Variants in GAPVD1 observed in about 807,000 individuals in gnomAD.
GAPVD1 encodes the protein GTPase activating protein and VPS9 domains 1.
A neutral mutation model predicts 155.5 loss-of-function variants in GAPVD1; 35 were observed. The observed-to-expected ratio is 0.23, with a 90% CI of 0.17 to 0.30. The LOEUF is 0.30. Among genes scored for constraint, GAPVD1 ranks in the 10% least tolerant of loss-of-function variants. The probability of loss-of-function intolerance (pLI) is 1.00; values close to 1 mark genes in which losing one functional copy is unlikely to be tolerated. For missense variants in GAPVD1, 1,429 were observed against 1,775.7 expected, an observed-to-expected ratio of 0.80 and a Z score of 3.51; for synonymous variants, 636 against 619.7, an observed-to-expected ratio of 1.03 and a Z score of -0.39.
chr9:125,329,814 T>C (rs537466525), intron 12 of GAPVD1, among the ~76,000 whole-genome samples: 1 of 152,090 alleles, frequency 6.6e-6, no homozygotes, highest in African/African-American at 2.4e-5. Flanking sequence ...CCCAAGTAGC[T>C]GAGACTACCG....
chr9:125,363,063 C>T lies in GAPVD1; in HGVS notation c.*317C>T, dbSNP rs918930334. ...AAAAATCTCTTAGGAAATGTCTAGA[C>T]CTCCATTCTTGGATTCCCTTTCTTT... On this transcript the variant is annotated 3_prime_UTR_variant, in exon 28 of 28. Transcript: ENST00000297933. 4.9e-5 allele frequency: 8 copies of T among 162,352 alleles called. No homozygotes were observed. Among genetic ancestry groups the T allele is most frequent in the Non-Finnish European group, 6.7e-5 (5 of 74,582 alleles). The allele number at this position is 162,352 out of a possible 1,614,324, so 10.1% of individuals were successfully genotyped here.
chr9:125,353,512 AC>A (rs1849600394), intron 23 of GAPVD1, among the ~76,000 whole-genome samples: 1 of 151,918 alleles, frequency 6.6e-6, no homozygotes, highest in African/African-American at 2.4e-5. Context: ...TTTTAGCAGT[AC>A]CCCACTCTCG....
intron 6 of GAPVD1, among the ~76,000 whole-genome samples, chr9:125,306,069 A>G (rs145468804): frequency 1.4e-4 from 21 of 152,354 alleles, no homozygotes; most frequent in Non-Finnish European, 2.2e-4. Flanking sequence ...CATTCAACCA[A>G]TGAAAATTCA....
Position 125,337,338 on chromosome 9 carries a change from G to T in GAPVD1, c.2624G>T (p.Gly875Val). 1 of 1,614,142 alleles carries T rather than the reference G, an allele frequency of 6.2e-7. No homozygotes were observed. Among genetic ancestry groups the T allele is most frequent in the African/African-American group, 1.3e-5 (1 of 75,020 alleles). ...GGNEARLPNF[G>V]SHVLTPAEME... The stretch of plus-strand genomic sequence containing the variant: ...AATGAGGCCAGGTTGCCAAACTTTG[G>T]TTCCCATGTTTTAACTCCAGCTGAA... Residue 875 changes from glycine to valine, a missense_variant, in exon 17 of 28, where the codon GGT becomes GTT. Gly to Val is a moderately radical substitution (Grantham distance 109). Coordinates refer to ENST00000297933, the MANE Select transcript of GAPVD1 (RefSeq NM_001282680.3).
chr9:125,290,605 A>G (rs1403802532), intron 2 of GAPVD1, among the ~76,000 whole-genome samples: 1 of 152,216 alleles, frequency 6.6e-6, no homozygotes, highest in Admixed American at 6.5e-5. Context: ...AGAGGAAATG[A>G]TATGAATTAG....
chr9:125,330,177 C>G lies in GAPVD1; in HGVS notation c.2132C>G (p.Thr711Arg). Residue 711 changes from threonine (T) to arginine (R), a missense_variant, in exon 13 of 28, where the codon ACA becomes AGA. By Grantham distance (71) the Thr-to-Arg change is moderately conservative (BLOSUM62 -1). Transcript: ENST00000297933. Reference protein sequence around the residue: ...PCTGSTISETTSEAWSVEVLP... With the variant: ...PCTGSTISETRSEAWSVEVLP... The stretch of plus-strand genomic sequence containing the variant: ...ACTGGTTCTACCATATCAGAGACAA[C>G]AAGTGAAGCTTGGAGTGTAGAGGTA... 1 of 1,612,498 alleles carries G rather than the reference C, an allele frequency of 6.2e-7. No individual in the cohort carries two copies. Among genetic ancestry groups the G allele is most frequent in the Non-Finnish European group, 8.5e-7 (1 of 1,178,826 alleles).
chr9:125,335,816 C>G (rs1022532788), intron 15 of GAPVD1, among the ~76,000 whole-genome samples: 1 of 151,828 alleles, frequency 6.6e-6, no homozygotes, highest in Admixed American at 6.6e-5. Flanking sequence ...TAGATATAAC[C>G]ACCATAAACA....
At chr9:125,342,363 T>C in intron 19 of GAPVD1, 64 bp downstream of exon 19, 1 of 913,468 alleles carries the variant, frequency 1.1e-6, no homozygotes, top group Admixed American at 1.8e-5. Context: ...TAACACTTTT[T>C]CTTGGGTGCC....
At chr9:125,283,098 C>T (rs368949143) in intron 2 of GAPVD1, among the ~76,000 whole-genome samples, 112 of 150,856 alleles carry the variant, frequency 7.4e-4, no homozygotes, top group African/African-American at 2.7e-3. Flanking sequence ...TTTGCTCTGT[C>T]GCCCAGGCTG....
intron 27 of GAPVD1, among the ~76,000 whole-genome samples, chr9:125,362,323 G>GAGATT (rs1851058282): frequency 6.6e-6 from 1 of 152,136 alleles, no homozygotes; most frequent in Non-Finnish European, 1.5e-5. Context: ...TAAGACCACA[G>GAGATT]AGATTAGTTC....
At chr9:125,333,079 T>C (rs1250577139) in intron 15 of GAPVD1, among the ~76,000 whole-genome samples, 1 of 151,940 alleles carries the variant, frequency 6.6e-6, no homozygotes. Flanking sequence ...ATAAAACTTC[T>C]GTTTTTTTTT....
At position 125,355,800 on chromosome 9, in the gene GAPVD1, A is replaced by T; in HGVS notation, c.3914A>T (p.Asn1305Ile). 1 of 1,613,524 alleles carries T rather than the reference A, an allele frequency of 6.2e-7. No individual in the cohort carries two copies. Among genetic ancestry groups the T allele is most frequent in the East Asian group, 2.2e-5 (1 of 44,866 alleles). ...AQLAIERSVMNRIFKLAFYPN... is the reference protein window; with the variant it reads ...AQLAIERSVMIRIFKLAFYPN... ...CTGGCCATTGAGCGAAGCGTGATGA[A>T]CCGGATTTTCAAGCTCGCCTTCTAC... The change falls in exon 25 of 28, where the codon AAC becomes ATC. Residue 1305 changes from asparagine (N) to isoleucine (I), a missense_variant. Around this residue, in one of 4 missense-constraint regions of GAPVD1, gnomAD observed 102 missense variants for 196.5 expected, o/e 0.52. Transcript: ENST00000297933.
chr9:125,352,817 C>G (rs1454008765), intron 23 of GAPVD1, among the ~76,000 whole-genome samples: 1 of 152,084 alleles, frequency 6.6e-6, no homozygotes, highest in Non-Finnish European at 1.5e-5. Flanking sequence ...CCTTATAAAA[C>G]TGTATGCTGG....
At chr9:125,361,520 T>A (rs1350327693) in intron 27 of GAPVD1, among the ~76,000 whole-genome samples, 1 of 150,384 alleles carries the variant, frequency 6.6e-6, no homozygotes, top group African/African-American at 2.4e-5. Context: ...TGAGACTCCA[T>A]CTTAAAAAAA....
intron 1 of GAPVD1, among the ~76,000 whole-genome samples, chr9:125,264,393 C>T (rs1008390020): frequency 6.6e-6 from 1 of 152,128 alleles, no homozygotes; most frequent in African/African-American, 2.4e-5. Flanking sequence ...CAAGGTTTCA[C>T]CATGTTGGTC....
At chr9:125,301,955 T>C in intron 4 of GAPVD1, 28 bp from the exon 5 acceptor site, 2 of 1,491,060 alleles carry the variant, frequency 1.3e-6, no homozygotes, top group Non-Finnish European at 1.8e-6. Flanking sequence ...TTATTTTGCT[T>C]GTTTGCTCTT....
chr9:125,288,356 C>T (rs886315648), intron 2 of GAPVD1, among the ~76,000 whole-genome samples: 4 of 152,004 alleles, frequency 2.6e-5, no homozygotes, highest in Non-Finnish European at 4.4e-5. Context: ...ATGATCCACC[C>T]GCCTCAGCCT....
chr9:125,291,258 G>C (rs938949370), intron 2 of GAPVD1, among the ~76,000 whole-genome samples: 1 of 152,084 alleles, frequency 6.6e-6, no homozygotes, highest in African/African-American at 2.4e-5. Context: ...CTGCACTCCA[G>C]TGTGGGCATC....
Position 125,323,828 on chromosome 9 carries a change from C to T in GAPVD1, c.1763C>T (p.Ser588Phe), listed in dbSNP as rs1228232201. 5 of 1,613,082 alleles carry T rather than the reference C, an allele frequency of 3.1e-6. No individual in the cohort carries two copies. Among genetic ancestry groups the T allele is most frequent in the South Asian group, 1.1e-5 (1 of 91,070 alleles). Residue 588 changes from serine to phenylalanine, a missense_variant, in exon 11 of 28, where the codon TCC becomes TTC. By Grantham distance (155) the Ser-to-Phe change is radical. Transcript: ENST00000297933. Reference sequence around the variant, plus strand: ...TCAAATCGCTCCAATTCAGTGTCCTCCCTAGACCTAGAAGGAGAGTCTGTG... The same window carrying T: ...TCAAATCGCTCCAATTCAGTGTCCTTCCTAGACCTAGAAGGAGAGTCTGTG... ...GPSNRSNSVSSLDLEGESVSE... is the reference protein window; with the variant it reads ...GPSNRSNSVSFLDLEGESVSE...
Sources: gnomAD v4.1 joint callset for allele counts (sites outside exome capture counted in the v4.1 genomes callset) on GRCh38, gnomAD v4.1.1 for gene constraint, gnomAD v4.1.1 regional missense constraint, MANE v1.5 for transcripts, NCBI Gene and HGNC (gene_info 2026-07-23, HGNC 2026-07-21) for gene names.